ELOVL7: variants seen among roughly 807,000 people sequenced by gnomAD.
ELOVL7 encodes the protein very long chain fatty acid elongase 7.
Under a neutral mutation model 35.7 loss-of-function variants are expected in ELOVL7, and 27 were observed. That is an observed-to-expected ratio of 0.76 (90% CI 0.56 to 1.04). The LOEUF is 1.04. ELOVL7 is among the 50% of genes least tolerant of loss of function. ELOVL7 has a pLI of 0.00. For synonymous variants in ELOVL7, 113 were observed against 114.6 expected (o/e 0.99, Z 0.09); for missense variants, 327 against 340.8 (o/e 0.96, Z 0.32).
chr5:60,792,251 C>T (rs1489686196), intron 2 of ELOVL7, among the ~76,000 whole-genome samples: 1 of 152,080 alleles, frequency 6.6e-6, no homozygotes, highest in Non-Finnish European at 1.5e-5. Flanking sequence ...ATCTGTTGTC[C>T]TGTCCATAGT....
chr5:60,796,080 G>A (rs1035635649), intron 2 of ELOVL7, among the ~76,000 whole-genome samples: 5 of 152,114 alleles, frequency 3.3e-5, no homozygotes, highest in African/African-American at 1.2e-4. Context: ...TACCATCTTT[G>A]GCAGGAAAAA....
intron 1 of ELOVL7, among the ~76,000 whole-genome samples, chr5:60,823,387 T>C (rs1164839297): frequency 4.6e-5 from 7 of 152,162 alleles, no homozygotes; most frequent in African/African-American, 7.2e-5. Context: ...TGTCCAGTAA[T>C]TGCCTAATTG....
At chr5:60,821,478 G>C (rs1006234237) in intron 1 of ELOVL7, among the ~76,000 whole-genome samples, 4 of 152,216 alleles carry the variant, frequency 2.6e-5, no homozygotes, top group Admixed American at 2.0e-4. Context: ...CTCTATCTAT[G>C]CTCCAGTTTC....
At chr5:60,802,936 G>A (rs1579877332) in intron 1 of ELOVL7, among the ~76,000 whole-genome samples, 2 of 152,232 alleles carry the variant, frequency 1.3e-5, no homozygotes, top group Admixed American at 1.3e-4. Context: ...CTCCTGAGTT[G>A]GCAAAATTCT....
chr5:60,785,892 AG>A (rs1561441044), intron 3 of ELOVL7: 1 of 152,214 alleles, frequency 6.6e-6, no homozygotes, highest in Non-Finnish European at 1.5e-5. Flanking sequence ...TTTGGTCTTT[AG>A]TAGTCTGCTG....
At chr5:60,785,025 T>C (rs1037824046) in intron 3 of ELOVL7, among the ~76,000 whole-genome samples, 18 of 152,220 alleles carry the variant, frequency 1.2e-4, no homozygotes, top group South Asian at 2.1e-4. Context: ...TTCTCACTTA[T>C]GTTTTGCTAA....
chr5:60,832,667 AT>A (rs34899576), intron 1 of ELOVL7, among the ~76,000 whole-genome samples: 219 of 147,180 alleles, frequency 1.5e-3, no homozygotes, highest in African/African-American at 2.3e-3. Flanking sequence ...CCCAGCCGGA[AT>A]TTTTTTTTTT....
chr5:60,780,936 C>A (rs1295279409), intron 3 of ELOVL7, among the ~76,000 whole-genome samples: 1 of 152,110 alleles, frequency 6.6e-6, no homozygotes, highest in Non-Finnish European at 1.5e-5. Flanking sequence ...ACTGGCCAGG[C>A]GCCATGGCTC....
chr5:60,783,304 T>C (rs1280938002), intron 3 of ELOVL7, among the ~76,000 whole-genome samples: 1 of 152,208 alleles, frequency 6.6e-6, no homozygotes, highest in African/African-American at 2.4e-5. Context: ...CTTCCTCTGA[T>C]AAAATTAGCT....
At chr5:60,771,700 G>A (rs1407180718) in intron 4 of ELOVL7, among the ~76,000 whole-genome samples, 1 of 152,176 alleles carries the variant, frequency 6.6e-6, no homozygotes, top group Non-Finnish European at 1.5e-5. Context: ...CTCATTATCT[G>A]TGAGACAGAT....
chr5:60,817,659 TACATATATAC>T (rs1395078574), intron 1 of ELOVL7, among the ~76,000 whole-genome samples: 2 of 108,154 alleles, frequency 1.8e-5, no homozygotes, highest in South Asian at 2.7e-4. Context: ...AGTATATATA[TACATATATAC>T]ACATATATAC....
intron 1 of ELOVL7, among the ~76,000 whole-genome samples, chr5:60,818,010 T>C (rs2112341391): frequency 6.6e-6 from 1 of 151,636 alleles, no homozygotes; most frequent in East Asian, 1.9e-4. Flanking sequence ...TGCTATGCCT[T>C]AAAAAAAGAA....
chr5:60,762,431 T>C (rs1395922885), intron 7 of ELOVL7, among the ~76,000 whole-genome samples: 3 of 152,112 alleles, frequency 2.0e-5, no homozygotes, highest in African/African-American at 7.2e-5. Context: ...AAATGCTCAA[T>C]TGTATTCATT....
At chr5:60,778,401 GTAAT>G (rs1743040467) in intron 3 of ELOVL7, among the ~76,000 whole-genome samples, 1 of 152,174 alleles carries the variant, frequency 6.6e-6, no homozygotes, top group Admixed American at 6.5e-5. Flanking sequence ...CCGAGACTGG[GTAAT>G]TTATCAAGGA....
chr5:60,755,397 G>A (rs1741478805), intron 8 of ELOVL7, among the ~76,000 whole-genome samples: 1 of 152,112 alleles, frequency 6.6e-6, no homozygotes, highest in Non-Finnish European at 1.5e-5. Flanking sequence ...GGTGGCTCAC[G>A]CCTGTAATCC....
intron 1 of ELOVL7, among the ~76,000 whole-genome samples, chr5:60,801,127 T>C (rs1356655341): frequency 1.3e-5 from 2 of 151,926 alleles, no homozygotes; most frequent in African/African-American, 4.8e-5. Flanking sequence ...GGTGTCTTAC[T>C]ATGTTGCCCG....
At chr5:60,764,203 T>C (rs372252886) in intron 7 of ELOVL7, 24 bp downstream of exon 7, 11 of 1,507,504 alleles carry the variant, frequency 7.3e-6, no homozygotes, top group Non-Finnish European at 1.0e-5. Context: ...TTATAACACA[T>C]GATCCCAAAT....
rs1450985935 is a variant in ELOVL7 at position 60,787,389 on chromosome 5, G to A, written c.9C>T (p.Phe3=). ...GCACAGTCCTCGATGTAAGATCACT[G>A]AAGGCCATTTTCCACAGGATTTACT... MA[F]SDLTSRTVHL... is the part of the protein sequence containing the mutation. Residue 3 remains phenylalanine (F), a synonymous_variant, in exon 3 of 9, where the codon TTC becomes TTT. Transcript: ENST00000508821. 4.4e-6 allele frequency: 7 copies of A among 1,601,058 alleles called. No homozygotes were observed. Among genetic ancestry groups the A allele is most frequent in the Non-Finnish European group, 3.4e-6 (4 of 1,175,542 alleles).
intron 3 of ELOVL7, among the ~76,000 whole-genome samples, chr5:60,782,709 C>A (rs1046603955): frequency 1.3e-5 from 2 of 152,088 alleles, no homozygotes; most frequent in African/African-American, 2.4e-5. Context: ...CACAAAAAGG[C>A]AAGACATGTT....
Sources: allele counts gnomAD v4.1 joint callset (sites outside exome capture counted in the v4.1 genomes callset), GRCh38; gene constraint gnomAD v4.1.1; transcripts MANE v1.5; gene names NCBI Gene and HGNC (gene_info 2026-07-23, HGNC 2026-07-21).